Variants in FOXN3 observed in about 807,000 individuals in gnomAD.
FOXN3 encodes forkhead box protein N3.
Under a neutral mutation model 38.4 loss-of-function variants are expected in FOXN3, and 7 were observed. The observed-to-expected ratio is 0.18, with a 90% CI of 0.10 to 0.34. The LOEUF (loss-of-function observed/expected upper bound fraction) is 0.34. Ranked by LOEUF, FOXN3 falls within the 10% of genes least tolerant of loss-of-function variation. The pLI is 1.00. For missense variants in FOXN3, 456 were observed against 613.4 expected (o/e 0.74, Z 2.71); for synonymous variants, 230 against 242.2 (o/e 0.95, Z 0.47).
At chr14:89,311,431 C>T (rs1435550254) in intron 3 of FOXN3, among the ~76,000 whole-genome samples, 1 of 141,364 alleles carries the variant, frequency 7.1e-6, no homozygotes, top group Non-Finnish European at 1.5e-5. Flanking sequence ...AAGATCACGC[C>T]ATTGCACTCC....
At chr14:89,472,720 CAAAAAAAA>C (rs1157948946) in intron 1 of FOXN3, among the ~76,000 whole-genome samples, 2 of 46,588 alleles carry the variant, frequency 4.3e-5, no homozygotes, top group Non-Finnish European at 8.8e-5. Context: ...GACCCCATCT[CAAAAAAAA>C]AAAAAAAAAA....
At chr14:89,415,461 G>T (rs1405821331) in intron 1 of FOXN3, among the ~76,000 whole-genome samples, 1 of 151,920 alleles carries the variant, frequency 6.6e-6, no homozygotes, top group East Asian at 1.9e-4. Context: ...CAGTACCCTT[G>T]GATCATGTGT....
intron 2 of FOXN3, among the ~76,000 whole-genome samples, chr14:89,404,771 G>A (rs1368406465): frequency 6.6e-6 from 1 of 151,996 alleles, no homozygotes; most frequent in Non-Finnish European, 1.5e-5. Flanking sequence ...TTCCGACGCT[G>A]GACAAGGCAG....
At chr14:89,354,611 T>C (rs1018172464) in intron 2 of FOXN3, among the ~76,000 whole-genome samples, 6 of 149,948 alleles carry the variant, frequency 4.0e-5, no homozygotes, top group African/African-American at 1.2e-4. Context: ...TCCCAGCACT[T>C]TGGGAGGCCG....
At chr14:89,336,978 G>C (rs1420435974) in intron 3 of FOXN3, among the ~76,000 whole-genome samples, 1 of 152,106 alleles carries the variant, frequency 6.6e-6, no homozygotes, top group South Asian at 2.1e-4. Flanking sequence ...AACTTCAAAG[G>C]GCTTTAATAA....
intron 3 of FOXN3, among the ~76,000 whole-genome samples, chr14:89,297,335 G>A (rs1887070647): frequency 1.3e-5 from 2 of 152,052 alleles, no homozygotes; most frequent in South Asian, 4.2e-4. Flanking sequence ...AGCCGAGGCG[G>A]GCGGATCACA....
At chr14:89,355,125 TAAAAATA>T (rs1889156916) in intron 2 of FOXN3, 1 of 141,316 alleles carries the variant, frequency 7.1e-6, no homozygotes, top group Non-Finnish European at 1.5e-5. Context: ...AACTCTCTAT[TAAAAATA>T]AAAAATCAAT....
intron 4 of FOXN3, among the ~76,000 whole-genome samples, chr14:89,193,262 AG>A (rs113230977): frequency 0.099 from 15,048 of 151,956 alleles, 1,952 homozygotes; most frequent in African/African-American, 0.3. Flanking sequence ...AAACACAGGG[AG>A]GAAGTCTGGA....
chr14:89,360,413 A>G (rs1889427802), intron 2 of FOXN3, among the ~76,000 whole-genome samples: 1 of 147,044 alleles, frequency 6.8e-6, no homozygotes, highest in South Asian at 2.2e-4. Context: ...ACAGGGAGAG[A>G]GGTAAAAAGA....
chr14:89,332,664 C>T (rs1292929716), intron 3 of FOXN3, among the ~76,000 whole-genome samples: 2 of 152,096 alleles, frequency 1.3e-5, no homozygotes, highest in African/African-American at 2.4e-5. Context: ...TTTTTGGATA[C>T]GACACCAAAA....
At chr14:89,562,965 G>A (rs946632829) in intron 1 of FOXN3, among the ~76,000 whole-genome samples, 3 of 152,106 alleles carry the variant, frequency 2.0e-5, no homozygotes, top group Non-Finnish European at 4.4e-5. Context: ...AATGTCTTGG[G>A]AAAAGAGAGA....
intron 2 of FOXN3, among the ~76,000 whole-genome samples, chr14:89,352,791 A>G (rs1220921829): frequency 2.0e-5 from 3 of 152,218 alleles, no homozygotes; most frequent in African/African-American, 7.2e-5. Flanking sequence ...TGGCCTTCTC[A>G]GGGAAATAAC....
At chr14:89,283,407 G>A (rs553671527) in intron 3 of FOXN3, among the ~76,000 whole-genome samples, 9 of 152,286 alleles carry the variant, frequency 5.9e-5, no homozygotes, top group Non-Finnish European at 1.0e-4. Context: ...AGGTTGGGAA[G>A]GCAACAAGCT....
chr14:89,188,114 C>A (rs1887856100), intron 4 of FOXN3, among the ~76,000 whole-genome samples: 1 of 152,132 alleles, frequency 6.6e-6, no homozygotes, highest in African/African-American at 2.4e-5. Flanking sequence ...ATTTCTCACA[C>A]AGCGGTAATA....
chr14:89,338,857 C>T (rs1888537811), intron 3 of FOXN3, among the ~76,000 whole-genome samples: 1 of 152,094 alleles, frequency 6.6e-6, no homozygotes, highest in Admixed American at 6.5e-5. Context: ...CAAGACTGCA[C>T]AATTATTAAA....
At position 89,296,890 on chromosome 14, in the gene FOXN3, G is replaced by A. The variant is rs147642789; in HGVS notation, c.681-15876C>T. ...GACCTCAGGTCATCCACCCGCCTCG[G>A]CCTCCCAAAGTGCTGGGATTACAGA... On this transcript the variant is annotated intron_variant, in intron 3 of 5. Transcript: ENST00000557258. Among the ~76,000 whole-genome samples, 568 of 152,206 alleles carry A rather than the reference G, an allele frequency of 3.7e-3. 2 individuals carry two copies. Among genetic ancestry groups the A allele is most frequent in the Middle Eastern group, 6.8e-3 (2 of 294 alleles).
chr14:89,307,371 C>G (rs1390684307), intron 3 of FOXN3, among the ~76,000 whole-genome samples: 3 of 152,134 alleles, frequency 2.0e-5, no homozygotes, highest in African/African-American at 7.2e-5. Context: ...TAAATCTACA[C>G]CTTTTTTTAA....
intron 1 of FOXN3, among the ~76,000 whole-genome samples, chr14:89,460,218 G>A (rs187588959): frequency 6.6e-6 from 1 of 152,298 alleles, no homozygotes; most frequent in Admixed American, 6.5e-5. Flanking sequence ...GTGTCTAACA[G>A]AGCTGCTACC....
At chr14:89,494,326 T>G (rs1359822236) in intron 1 of FOXN3, 1 of 152,214 alleles carries the variant, frequency 6.6e-6, no homozygotes, top group African/African-American at 2.4e-5. Flanking sequence ...ACATTCATCT[T>G]CTTTCTCCTT....
Sources: allele counts gnomAD v4.1 joint callset (sites outside exome capture counted in the v4.1 genomes callset), GRCh38; gene constraint gnomAD v4.1.1; transcripts MANE v1.5; gene names NCBI Gene and HGNC (gene_info 2026-07-23, HGNC 2026-07-21).